The following APBB2 variants were observed in gnomAD, a reference collection of about 807,000 sequenced individuals.
APBB2 encodes the protein Fe65-like 1.
APBB2 carries 38 observed loss-of-function variants against 82.5 expected under a neutral mutation model. The observed-to-expected ratio is 0.46, with a 90% confidence interval of 0.36 to 0.60. The LOEUF is 0.60. Among genes scored for constraint, APBB2 ranks in the 20% least tolerant of loss-of-function variants. The probability of loss-of-function intolerance (pLI) is 0.00; values close to 1 mark genes in which losing one functional copy is unlikely to be tolerated. For missense variants in APBB2, 772 were observed against 972.3 expected (o/e 0.79, Z 2.74); for synonymous variants, 341 against 368.2 (o/e 0.93, Z 0.85).
intron 6 of APBB2, among the ~76,000 whole-genome samples, chr4:40,985,089 T>C (rs1214859575): frequency 6.6e-6 from 1 of 152,056 alleles, no homozygotes; most frequent in South Asian, 2.1e-4. Context: ...AGCTAATTTT[T>C]TTTTTTGTAG....
intron 12 of APBB2, among the ~76,000 whole-genome samples, chr4:40,831,061 T>G (rs957127408): frequency 6.6e-6 from 1 of 152,192 alleles, no homozygotes; most frequent in Non-Finnish European, 1.5e-5. Context: ...ATCGTACCAC[T>G]GCACTCCAGA....
chr4:41,067,660 A>C (rs1359806212), intron 3 of APBB2, among the ~76,000 whole-genome samples: 1 of 152,104 alleles, frequency 6.6e-6, no homozygotes, highest in African/African-American at 2.4e-5. Flanking sequence ...GCAGAGGAAA[A>C]CCATCTTTTG....
chr4:41,197,236 A>T, intron 1 of APBB2, among the ~76,000 whole-genome samples: 1 of 152,034 alleles, frequency 6.6e-6, no homozygotes, highest in Non-Finnish European at 1.5e-5. Context: ...TCTTAATACC[A>T]GTGTTCAAAT....
intron 1 of APBB2, among the ~76,000 whole-genome samples, chr4:41,160,555 G>C (rs140136969): frequency 5.3e-5 from 8 of 152,218 alleles, no homozygotes; most frequent in Non-Finnish European, 1.2e-4. Context: ...GGGCTTGGCC[G>C]CCTTGGGCAA....
intron 1 of APBB2, among the ~76,000 whole-genome samples, chr4:41,204,500 T>C (rs534273209): frequency 5.3e-5 from 8 of 152,280 alleles, no homozygotes; most frequent in African/African-American, 1.4e-4. Flanking sequence ...CACTGTGGAA[T>C]AGACTTAGCA....
intron 12 of APBB2, among the ~76,000 whole-genome samples, chr4:40,888,355 A>G (rs1017965660): frequency 5.3e-5 from 8 of 152,256 alleles, no homozygotes; most frequent in African/African-American, 1.9e-4. Context: ...AGTTAGGGTA[A>G]GCTGAAAACC....
At chr4:40,964,244 A>G (rs903680937) in intron 6 of APBB2, among the ~76,000 whole-genome samples, 5 of 152,180 alleles carry the variant, frequency 3.3e-5, no homozygotes, top group African/African-American at 1.2e-4. Context: ...GTCACCCTGG[A>G]AAAGCTTGAC....
At chr4:41,191,524 A>G (rs182256901) in intron 1 of APBB2, among the ~76,000 whole-genome samples, 75 of 152,352 alleles carry the variant, frequency 4.9e-4, no homozygotes, top group African/African-American at 1.8e-3. Flanking sequence ...TGGGGAAAGG[A>G]TAGTCTCCTC....
intron 12 of APBB2, among the ~76,000 whole-genome samples, chr4:40,862,393 A>G (rs1288218686): frequency 6.6e-6 from 1 of 152,236 alleles, no homozygotes. Context: ...TGTGGAAGCC[A>G]CTTCAAAATC....
chr4:41,119,544 T>G (rs1416209498), intron 2 of APBB2, among the ~76,000 whole-genome samples: 1 of 143,854 alleles, frequency 7.0e-6, no homozygotes, highest in Non-Finnish European at 1.5e-5. Flanking sequence ...AAAAAAAAAG[T>G]TGGCAATTTT....
chr4:41,071,239 TA>T lies in APBB2; in HGVS notation c.-148-5567del, dbSNP rs1338765661. Among the ~76,000 whole-genome samples the T allele has an allele frequency of 2.0e-5, 3 of 152,360 alleles. No homozygotes were observed. The East Asian group carries it at 5.8e-4, about 29-fold the overall frequency. ...CAAAAAATTTTTAAATGGCTTTACT[TA>T]AAGCAACAATTTTTAATAGAAAGGT... On this transcript the variant is annotated intron_variant, in intron 3 of 17. Coordinates refer to ENST00000508593, the MANE Select transcript of APBB2 (RefSeq NM_004307.2).
At chr4:40,853,616 ATT>A (rs879510474) in intron 12 of APBB2, among the ~76,000 whole-genome samples, 1 of 145,784 alleles carries the variant, frequency 6.9e-6, no homozygotes. Context: ...TGTCTGGCTA[ATT>A]TTTTTTTTTT....
chr4:41,014,967 T>C (rs1579256020), intron 5 of APBB2, among the ~76,000 whole-genome samples: 1 of 152,226 alleles, frequency 6.6e-6, no homozygotes, highest in South Asian at 2.1e-4. Context: ...AATGTCTTGG[T>C]GAACATTTTT....
intron 12 of APBB2, among the ~76,000 whole-genome samples, chr4:40,885,502 A>T (rs569822871): frequency 6.6e-6 from 1 of 152,292 alleles, no homozygotes; most frequent in South Asian, 2.1e-4. Flanking sequence ...TGCCCACCAG[A>T]TACCCGATCT....
chr4:41,074,072 G>T (rs1455553118), intron 3 of APBB2, among the ~76,000 whole-genome samples: 1 of 152,196 alleles, frequency 6.6e-6, no homozygotes, highest in Non-Finnish European at 1.5e-5. Flanking sequence ...GCTACAGTGA[G>T]CTATGATGGT....
intron 6 of APBB2, among the ~76,000 whole-genome samples, chr4:40,994,201 G>A (rs1802969206): frequency 6.6e-6 from 1 of 151,380 alleles, no homozygotes. Flanking sequence ...GAAGGAGAAT[G>A]GCGTGAACCT....
rs564328735 is a variant in APBB2, at chr4:40,963,835, G to A, written c.836-18762C>T. ...TCTTCCTCATAGAAGAAAACACTGC[G>A]TGTCTTCCTGTGTTGCAGACATGCT... On this transcript the variant is annotated intron_variant, in intron 6 of 17. Transcript: ENST00000508593. Among the ~76,000 whole-genome samples the A allele has an allele frequency of 3.9e-5, 6 of 152,308 alleles. No homozygotes were observed. In the South Asian group the frequency reaches 6.2e-4, roughly 16 times the overall value.
intron 12 of APBB2, chr4:40,842,523 T>G (rs1315059935): frequency 6.0e-6 from 2 of 335,700 alleles, no homozygotes. Context: ...TAATAGGCTT[T>G]CCGTGCTTAT....
rs945782202 is a variant in APBB2 at position 41,014,166 on chromosome 4, T to C, written c.252A>G (p.Pro84=). Residue 84 remains proline (P), a synonymous_variant, in exon 6 of 18, where the codon CCA becomes CCG. Transcript: ENST00000508593. ...CATTTCCCAGCAGGGGCTGTGCAGC[T>C]GGATCCGAGAGGCCCATGGCCGCCT... is the stretch of plus-strand genomic sequence containing the variant. ...NIQAAMGLSD[P]AAQPLLGNGS... 2.5e-6 allele frequency: 4 copies of C among 1,614,250 alleles called. No homozygotes were observed. The highest frequency in any genetic ancestry group is 8.5e-7 in the Non-Finnish European group (1 of 1,180,052).
Sources: gnomAD v4.1 joint callset for allele counts (sites outside exome capture counted in the v4.1 genomes callset) on GRCh38, gnomAD v4.1.1 for gene constraint, MANE v1.5 for transcripts, NCBI Gene and HGNC (gene_info 2026-07-23, HGNC 2026-07-21) for gene names.